Variants in THSD4 observed in about 807,000 individuals in gnomAD.
THSD4 encodes the protein thrombospondin type-1 domain-containing protein 4.
A neutral mutation model predicts 119.0 loss-of-function variants in THSD4; 69 were observed. The ratio of observed to expected loss-of-function variants is 0.58; its 90% CI spans 0.48 to 0.71. THSD4 has a LOEUF of 0.71. Ranked by LOEUF, THSD4 falls within the 30% of genes least tolerant of loss-of-function variation. The pLI, the probability that THSD4 is intolerant of heterozygous loss-of-function variation, is 0.00. For synonymous variants in THSD4, 524 were observed against 540.4 expected (o/e 0.97, Z 0.42); for missense variants, 1,393 against 1,391.1 (o/e 1.00, Z -0.02).
chr15:71,596,955 A>G (rs2049917490), intron 7 of THSD4, among the ~76,000 whole-genome samples: 3 of 152,180 alleles, frequency 2.0e-5, no homozygotes, highest in African/African-American at 7.2e-5. Context: ...CATTGAAGCC[A>G]CAAGCTTTAG....
At chr15:71,300,864 G>A (rs2044939181) in intron 6 of THSD4, among the ~76,000 whole-genome samples, 1 of 152,168 alleles carries the variant, frequency 6.6e-6, no homozygotes, top group Admixed American at 6.5e-5. Context: ...TCTTCCTGAG[G>A]AACCAACTCC....
At chr15:71,609,709 G>A (rs896630732) in intron 7 of THSD4, among the ~76,000 whole-genome samples, 18 of 152,102 alleles carry the variant, frequency 1.2e-4, no homozygotes, top group African/African-American at 3.4e-4. Context: ...AAAATTAGCC[G>A]GGCATGGTGG....
chr15:71,336,928 A>G (rs1248112077), intron 6 of THSD4, among the ~76,000 whole-genome samples: 1 of 152,194 alleles, frequency 6.6e-6, no homozygotes, highest in Non-Finnish European at 1.5e-5. Context: ...ATTTTAGTAC[A>G]TGCCTTAGGG....
At chr15:71,748,309 A>C (rs1248557936) in intron 13 of THSD4, 112 bp from the exon 14 acceptor site, 34 of 1,328,086 alleles carry the variant, frequency 2.6e-5, no homozygotes, top group Non-Finnish European at 3.5e-5. Context: ...GACATGCATG[A>C]CAGAGCCTCA....
rs543793935 is a variant in THSD4 at position 71,763,077 on chromosome 15, A to G, written c.2590-1943A>G. ...CAGAGCAAGACTCCATCTCAAAAAA[A>G]AAATTTTTTTTTAGTAAAAAAATCC... On this transcript the variant is annotated intron_variant, in intron 15 of 17. Transcript: ENST00000261862. 2.0e-4 allele frequency among the ~76,000 whole-genome samples: 31 copies of G among 152,110 alleles called. No individual in the cohort carries two copies. The East Asian group carries it at 5.6e-3, about 28-fold the overall frequency.
intron 7 of THSD4, among the ~76,000 whole-genome samples, chr15:71,581,887 T>C (rs1053649105): frequency 5.3e-5 from 8 of 152,162 alleles, no homozygotes; most frequent in African/African-American, 1.9e-4. Flanking sequence ...GTTTCTTATG[T>C]TCATACCATA....
At chr15:71,174,681 GGCAGGGCACAGACAAACAAAAAGACA>G (rs2043427686) in intron 3 of THSD4, among the ~76,000 whole-genome samples, 1 of 137,920 alleles carries the variant, frequency 7.3e-6, no homozygotes, top group Non-Finnish European at 1.6e-5. Flanking sequence ...CACCTCTGGG[GGCAGGGCACAGACAAACAAAAAGACA>G]GCAGTAACCT....
intron 6 of THSD4, among the ~76,000 whole-genome samples, chr15:71,364,646 T>C (rs771237771): frequency 1.3e-5 from 2 of 152,244 alleles, no homozygotes; most frequent in Non-Finnish European, 2.9e-5. Context: ...AGTAGCTGTT[T>C]TGTACATCAA....
chr15:71,684,210 T>A (rs1361816984), intron 8 of THSD4, among the ~76,000 whole-genome samples: 3 of 152,290 alleles, frequency 2.0e-5, no homozygotes, highest in East Asian at 1.9e-4. Context: ...AGTTATGGGT[T>A]TTTTTATATT....
chr15:71,451,442 T>A (rs1221158995), intron 7 of THSD4, among the ~76,000 whole-genome samples: 1 of 152,178 alleles, frequency 6.6e-6, no homozygotes, highest in Non-Finnish European at 1.5e-5. Flanking sequence ...TGAGTTTGTT[T>A]TGCAGGATCC....
At chr15:71,261,038 G>T (rs1051239449) in intron 6 of THSD4, among the ~76,000 whole-genome samples, 2 of 152,324 alleles carry the variant, frequency 1.3e-5, no homozygotes, top group African/African-American at 4.8e-5. Flanking sequence ...GGAGGCAGAG[G>T]TTGCGGTGAG....
intron 8 of THSD4, among the ~76,000 whole-genome samples, chr15:71,690,670 G>A (rs1051171975): frequency 6.6e-6 from 1 of 152,172 alleles, no homozygotes; most frequent in Non-Finnish European, 1.5e-5. Context: ...AGTTTCATGT[G>A]GTTGGGGAGG....
chr15:71,191,417 G>T (rs986513186), intron 3 of THSD4, among the ~76,000 whole-genome samples: 1 of 152,188 alleles, frequency 6.6e-6, no homozygotes, highest in African/African-American at 2.4e-5. Flanking sequence ...TTCATGTCTG[G>T]TTTGCCTTTC....
At chr15:71,615,139 A>G (rs1216754648) in intron 7 of THSD4, among the ~76,000 whole-genome samples, 3 of 152,304 alleles carry the variant, frequency 2.0e-5, no homozygotes, top group Admixed American at 6.5e-5. Flanking sequence ...AGGGAAAACA[A>G]TTGGCCAATT....
chr15:71,615,556 T>C (rs1381447246), intron 7 of THSD4, among the ~76,000 whole-genome samples: 1 of 152,216 alleles, frequency 6.6e-6, no homozygotes, highest in Non-Finnish European at 1.5e-5. Flanking sequence ...AAGCTACTTC[T>C]TTTCCCATTA....
intron 6 of THSD4, among the ~76,000 whole-genome samples, chr15:71,405,286 T>A (rs551619590): frequency 1.3e-5 from 2 of 152,342 alleles, no homozygotes; most frequent in Non-Finnish European, 1.5e-5. Context: ...ATTTTTATAT[T>A]AATGTAGGTT....
At chr15:71,565,375 T>G (rs567659926) in intron 7 of THSD4, among the ~76,000 whole-genome samples, 1 of 152,216 alleles carries the variant, frequency 6.6e-6, no homozygotes, top group Non-Finnish European at 1.5e-5. Context: ...GACTGTGTAA[T>G]GCAGCCCAGA....
intron 7 of THSD4, among the ~76,000 whole-genome samples, chr15:71,557,046 A>T (rs1381901767): frequency 6.6e-6 from 1 of 152,154 alleles, no homozygotes. Flanking sequence ...TGGGGGCAGT[A>T]TTATTTTGTT....
intron 8 of THSD4, among the ~76,000 whole-genome samples, chr15:71,716,180 G>C (rs932359279): frequency 6.6e-6 from 1 of 152,040 alleles, no homozygotes; most frequent in African/African-American, 2.4e-5. Context: ...TCCAGCCTTT[G>C]TTTTCACATG....
Sources: gnomAD v4.1 joint callset for allele counts (sites outside exome capture counted in the v4.1 genomes callset) on GRCh38, gnomAD v4.1.1 for gene constraint, MANE v1.5 for transcripts, NCBI Gene and HGNC (gene_info 2026-07-23, HGNC 2026-07-21) for gene names.